The following CPPED1 variants were observed in gnomAD, a reference collection of about 807,000 sequenced individuals.
CPPED1 encodes serine/threonine-protein phosphatase CPPED1.
CPPED1 carries 28 observed loss-of-function variants against 28.0 expected under a neutral mutation model. The observed-to-expected ratio is 1.00, with a 90% CI of 0.74 to 1.37. The LOEUF is 1.37. Among genes scored for constraint, CPPED1 ranks in the 40% most tolerant of loss-of-function variants. The pLI is 0.00. For synonymous variants in CPPED1, 198 were observed against 180.2 expected (o/e 1.10, Z -0.79); for missense variants, 504 against 416.5 (o/e 1.21, Z -1.83).
chr16:12,724,519 T>G (rs994687877), intron 2 of CPPED1, among the ~76,000 whole-genome samples: 1 of 152,120 alleles, frequency 6.6e-6, no homozygotes, highest in Non-Finnish European at 1.5e-5. Context: ...CACAAACGGC[T>G]TACAGCTTCC....
At chr16:12,775,248 C>T (rs2080491055) in intron 2 of CPPED1, among the ~76,000 whole-genome samples, 1 of 152,248 alleles carries the variant, frequency 6.6e-6, no homozygotes, top group East Asian at 1.9e-4. Context: ...GCTGATGTAG[C>T]CCCTTGACCT....
intron 1 of CPPED1, among the ~76,000 whole-genome samples, chr16:12,791,830 G>A (rs1020890283): frequency 4.6e-5 from 7 of 152,194 alleles, no homozygotes; most frequent in African/African-American, 1.7e-4. Context: ...TTATTATTGA[G>A]TCTGGCACGT....
intron 2 of CPPED1, among the ~76,000 whole-genome samples, chr16:12,741,777 G>A (rs146589722): frequency 1.3e-4 from 20 of 152,248 alleles, no homozygotes; most frequent in African/African-American, 4.1e-4. Flanking sequence ...CTGACCTGGC[G>A]TGGTGGTTCA....
chr16:12,675,433 C>T (rs550923993), intron 3 of CPPED1, among the ~76,000 whole-genome samples: 20 of 152,226 alleles, frequency 1.3e-4, no homozygotes, highest in South Asian at 8.3e-4. Context: ...TTTTTCTCCA[C>T]GGTATCAAGT....
chr16:12,709,196 C>G lies in CPPED1; in HGVS notation c.290-4147G>C, dbSNP rs1433408336. On this transcript the variant is annotated intron_variant, in intron 2 of 3. Transcript: ENST00000381774. This position sits in a 1 kb window ranked among gnomAD's most constrained non-coding sequence, Gnocchi z 4.4. ...CAGAGCTTCAATGAGTTTCCTGTCT[C>G]ACGCAGGGTTCTATGTTCACAAAAA... Among the ~76,000 whole-genome samples, 2 of 152,180 alleles carry G rather than the reference C, an allele frequency of 1.3e-5. No homozygotes were observed. The highest frequency in any genetic ancestry group is 6.5e-5 in the Admixed American group (1 of 15,268).
intron 2 of CPPED1, among the ~76,000 whole-genome samples, chr16:12,747,884 C>T (rs1466666300): frequency 1.3e-5 from 2 of 152,170 alleles, no homozygotes; most frequent in African/African-American, 4.8e-5. Context: ...AAACTGTTCA[C>T]TGTGTGCGCA....
intron 2 of CPPED1, among the ~76,000 whole-genome samples, chr16:12,776,537 G>T (rs750332694): frequency 4.6e-5 from 7 of 152,166 alleles, no homozygotes; most frequent in Non-Finnish European, 1.0e-4. Flanking sequence ...CTGTTGTCGT[G>T]ACTGTGAATA....
At chr16:12,784,476 T>C (rs1596484360) in intron 1 of CPPED1, among the ~76,000 whole-genome samples, 1 of 151,238 alleles carries the variant, frequency 6.6e-6, no homozygotes, top group Admixed American at 6.6e-5. Context: ...CAGTAACAGA[T>C]CCCTACAAAT....
At chr16:12,781,150 G>C (rs2080528064) in intron 2 of CPPED1, 35 bp downstream of exon 2, 1 of 1,581,302 alleles carries the variant, frequency 6.3e-7, no homozygotes, top group Middle Eastern at 1.7e-4. Context: ...ACCGGCTGAA[G>C]GAGAAAAGGT....
rs902259589 is a variant in CPPED1, at chr16:12,678,481, G to A, written c.716-13366C>T. ...TGATTGGGATTTTGTTGAATCTGTC[G>A]CTCAATCGGGGGGGAAATGCCGTAT... On this transcript the variant is annotated intron_variant, in intron 3 of 3. Coordinates refer to ENST00000381774, the MANE Select transcript of CPPED1 (RefSeq NM_018340.3). Among the ~76,000 whole-genome samples, 4 of 152,060 alleles carry A rather than the reference G, an allele frequency of 2.6e-5. No homozygotes were observed. In the East Asian group the frequency reaches 7.7e-4, roughly 29 times the overall value.
At chr16:12,676,670 G>C (rs1342569378) in intron 3 of CPPED1, among the ~76,000 whole-genome samples, 3 of 152,140 alleles carry the variant, frequency 2.0e-5, no homozygotes, top group African/African-American at 7.2e-5. Flanking sequence ...GGAGGGGGTG[G>C]CTCTGACCTA....
At chr16:12,770,026 G>A (rs369988284) in intron 2 of CPPED1, among the ~76,000 whole-genome samples, 1 of 152,098 alleles carries the variant, frequency 6.6e-6, no homozygotes, top group Non-Finnish European at 1.5e-5. Flanking sequence ...ACTTTAATAT[G>A]AACAAAACGG....
At chr16:12,779,727 A>T (rs1465989513) in intron 2 of CPPED1, among the ~76,000 whole-genome samples, 1 of 151,940 alleles carries the variant, frequency 6.6e-6, no homozygotes, top group East Asian at 1.9e-4. Context: ...GGCTGCCAGA[A>T]AAAAGAGCCA....
chr16:12,803,681 C>T, intron 1 of CPPED1, 26 bp downstream of exon 1: 3 of 1,506,904 alleles, frequency 2.0e-6, no homozygotes, highest in South Asian at 1.2e-5. Flanking sequence ...CCAGAGTCCC[C>T]TCCCCGGGTG....
rs1444518660 is a variant in CPPED1 at position 12,661,760 on chromosome 16, G to T, written c.*3126C>A. On this transcript the variant is annotated 3_prime_UTR_variant, in exon 4 of 4. Coordinates refer to ENST00000381774, the MANE Select transcript of CPPED1 (RefSeq NM_018340.3). ...CCCGTGACTCATTATGGTTCAGTTC[G>T]GTTTCTAAATCTCCCCCAGTAAAAA... 6.6e-6 allele frequency: 1 copy of T among 152,444 alleles called. No individual in the cohort carries two copies. Among genetic ancestry groups the T allele is most frequent in the Non-Finnish European group, 1.5e-5 (1 of 68,310 alleles). The allele number at this position is 152,444 out of a possible 1,614,324, so 9.4% of individuals were successfully genotyped here.
chr16:12,765,698 A>G (rs750866437), intron 2 of CPPED1, among the ~76,000 whole-genome samples: 1 of 152,238 alleles, frequency 6.6e-6, no homozygotes, highest in Non-Finnish European at 1.5e-5. Context: ...TATTGAATAG[A>G]ACCTACCATG....
intron 3 of CPPED1, among the ~76,000 whole-genome samples, chr16:12,675,206 C>T (rs1390280996): frequency 1.3e-5 from 2 of 152,206 alleles, no homozygotes; most frequent in African/African-American, 2.4e-5. Flanking sequence ...TTTTCAAGAG[C>T]TGGGCAGAAT....
intron 2 of CPPED1, among the ~76,000 whole-genome samples, chr16:12,733,211 A>T (rs1480892458): frequency 6.6e-6 from 1 of 152,190 alleles, no homozygotes; most frequent in African/African-American, 2.4e-5. Flanking sequence ...AATGATGTTT[A>T]AAATAACATA....
At chr16:12,712,935 A>C (rs1313583843) in intron 2 of CPPED1, among the ~76,000 whole-genome samples, 1 of 152,236 alleles carries the variant, frequency 6.6e-6, no homozygotes, top group Non-Finnish European at 1.5e-5. Context: ...AAAAAATCAC[A>C]GATGCACTAA....
Sources: allele counts gnomAD v4.1 joint callset (sites outside exome capture counted in the v4.1 genomes callset), GRCh38; gene constraint gnomAD v4.1.1; non-coding constraint Gnocchi (gnomAD v3.1); transcripts MANE v1.5; gene names NCBI Gene and HGNC (gene_info 2026-07-23, HGNC 2026-07-21).